The following LGSN variants were observed in gnomAD, a reference collection of about 807,000 sequenced individuals.
LGSN encodes lengsin.
Under a neutral mutation model 19.5 loss-of-function variants are expected in LGSN, and 21 were observed. The ratio of observed to expected loss-of-function variants is 1.07; its 90% confidence interval spans 0.76 to 1.55. The LOEUF is 1.55. LGSN is among the 40% of genes most tolerant of loss of function. The pLI is 0.00. For synonymous variants in LGSN, 257 were observed against 215.6 expected, an observed-to-expected ratio of 1.19 and a Z score of -1.68; for missense variants, 673 against 608.5, an observed-to-expected ratio of 1.11 and a Z score of -1.12.
At chr6:63,320,574 C>T (rs1440329219), upstream of LGSN, among the ~76,000 whole-genome samples, 1 of 152,140 alleles carries the variant, frequency 6.6e-6, no homozygotes, top group Admixed American at 6.6e-5. Context: ...GCACAATGAA[C>T]ACAGAATCAT....
At chr6:63,332,701 C>T in the LGSN span, among the ~76,000 whole-genome samples, 2 of 152,104 alleles carry the variant, frequency 1.3e-5, no homozygotes, top group East Asian at 1.9e-4. Flanking sequence ...TAAGGAAAGA[C>T]AGGACAGAAG....
chr6:63,393,521 G>A, the LGSN span, among the ~76,000 whole-genome samples: 4 of 152,218 alleles, frequency 2.6e-5, no homozygotes, highest in East Asian at 1.9e-4. Flanking sequence ...ACAAGATGGC[G>A]CTGGTTAACT....
the LGSN span, among the ~76,000 whole-genome samples, chr6:63,473,472 T>TG: frequency 1.7e-5 from 1 of 59,380 alleles, no homozygotes; most frequent in Non-Finnish European, 2.9e-5. Flanking sequence ...ACACTCTGTC[T>TG]AAAAAAAAAA....
chr6:63,310,206 G>T (rs1768567618), intron 1 of LGSN, among the ~76,000 whole-genome samples: 1 of 152,006 alleles, frequency 6.6e-6, no homozygotes, highest in Non-Finnish European at 1.5e-5. Context: ...TACTTTTCTG[G>T]CCACAACCAA....
the LGSN span, among the ~76,000 whole-genome samples, chr6:63,434,161 G>A: frequency 2.0e-5 from 3 of 152,114 alleles, no homozygotes; most frequent in Admixed American, 6.5e-5. Flanking sequence ...TGACCTGGCT[G>A]GGCGCAGTGG....
chr6:63,503,725 G>A, the LGSN span, among the ~76,000 whole-genome samples: 14 of 152,072 alleles, frequency 9.2e-5, no homozygotes, highest in African/African-American at 3.1e-4. Flanking sequence ...GACCAGCCTG[G>A]GCAACATGGT....
the LGSN span, among the ~76,000 whole-genome samples, chr6:63,435,247 C>A: frequency 6.6e-6 from 1 of 152,274 alleles, no homozygotes; most frequent in Admixed American, 6.5e-5. Context: ...AAACTTAACT[C>A]TTTTCAGATC....
intron 1 of LGSN, among the ~76,000 whole-genome samples, chr6:63,315,652 G>A (rs941490768): frequency 2.8e-4 from 41 of 147,112 alleles, no homozygotes; most frequent in African/African-American, 1.0e-3. Flanking sequence ...GTGTGTGTGT[G>A]TGTATGCATG....
At chr6:63,414,636 G>C in the LGSN span, among the ~76,000 whole-genome samples, 12 of 152,208 alleles carry the variant, frequency 7.9e-5, no homozygotes, top group African/African-American at 2.9e-4. Context: ...TAAAAAAATA[G>C]AAAATGTGCT....
the LGSN span, among the ~76,000 whole-genome samples, chr6:63,551,956 G>A: frequency 5.9e-5 from 9 of 152,124 alleles, no homozygotes; most frequent in African/African-American, 1.9e-4. Flanking sequence ...TGGACATTTG[G>A]GTTGGTTCCA....
chr6:63,338,320 G>T, the LGSN span, among the ~76,000 whole-genome samples: 1 of 151,990 alleles, frequency 6.6e-6, no homozygotes, highest in East Asian at 1.9e-4. Flanking sequence ...GGTTTGGGTT[G>T]GGGGTACAGC....
chr6:63,548,895 A>G, the LGSN span: 2 of 864,748 alleles, frequency 2.3e-6, no homozygotes, highest in South Asian at 2.6e-5. Context: ...GTTAACCTGT[A>G]TGAAGGCGAC....
At chr6:63,491,393 T>A in the LGSN span, among the ~76,000 whole-genome samples, 1 of 152,090 alleles carries the variant, frequency 6.6e-6, no homozygotes, top group Non-Finnish European at 1.5e-5. Context: ...CTGCGTAAGC[T>A]GGAAGACCCT....
At chr6:63,377,056 T>G in the LGSN span, among the ~76,000 whole-genome samples, 5 of 152,362 alleles carry the variant, frequency 3.3e-5, no homozygotes, top group Admixed American at 2.6e-4. Context: ...TAGATAGATA[T>G]GCACTGATTC....
the LGSN span, among the ~76,000 whole-genome samples, chr6:63,375,127 C>T: frequency 0.11 from 17,230 of 151,992 alleles, 2,080 homozygotes; most frequent in African/African-American, 0.31. Context: ...GAATTAATTC[C>T]GTTTTTGTTT....
chr6:63,372,586 C>T, the LGSN span, among the ~76,000 whole-genome samples: 11 of 152,042 alleles, frequency 7.2e-5, no homozygotes, highest in Non-Finnish European at 1.0e-4. Flanking sequence ...GCTCATCATG[C>T]TGATGATACA....
rs1308401657 is a variant in LGSN at position 63,278,809 on chromosome 6, C to A, written c.*1212G>T. 1 of 152,168 alleles carries A rather than the reference C, an allele frequency of 6.6e-6. No homozygotes were observed. The highest frequency in any genetic ancestry group is 2.4e-5 in the African/African-American group (1 of 41,438). The allele number at this position is 152,168 out of a possible 1,614,324, so 9.4% of individuals were successfully genotyped here. On this transcript the variant is annotated 3_prime_UTR_variant, in exon 4 of 4. Transcript: ENST00000370657. ...TTAGTGAAGGATAGACTGACTTTCA[C>A]TATTTAAGCTACTGAGTAATATGAA...
chr6:63,399,522 G>A, the LGSN span, among the ~76,000 whole-genome samples: 738 of 151,540 alleles, frequency 4.9e-3, 3 homozygotes, highest in Middle Eastern at 0.014. Flanking sequence ...AGCCTCCTGA[G>A]TAGCTGGGAT....
At chr6:63,423,803 C>T in the LGSN span, among the ~76,000 whole-genome samples, 62 of 152,128 alleles carry the variant, frequency 4.1e-4, 1 homozygote, top group East Asian at 7.0e-3. Flanking sequence ...TTTGGGGGGC[C>T]GAGTCAGGCA....
Sources: allele counts gnomAD v4.1 joint callset (sites outside exome capture counted in the v4.1 genomes callset), GRCh38; gene constraint gnomAD v4.1.1; transcripts MANE v1.5; gene names NCBI Gene and HGNC (gene_info 2026-07-23, HGNC 2026-07-21).